SPOCK3: variants seen among roughly 807,000 people sequenced by gnomAD.
SPOCK3 encodes SPARC (osteonectin), cwcv and kazal like domains proteoglycan 3.
SPOCK3 carries 30 observed loss-of-function variants against 56.6 expected under a neutral mutation model. That is an observed-to-expected ratio of 0.53 (90% CI 0.40 to 0.72). The LOEUF is 0.72. Among genes scored for constraint, SPOCK3 ranks in the 30% least tolerant of loss-of-function variants. The pLI, the probability that SPOCK3 is intolerant of heterozygous loss-of-function variation, is 0.00. For missense variants in SPOCK3, 527 were observed against 530.0 expected (o/e 0.99, Z 0.06); for synonymous variants, 196 against 183.3 (o/e 1.07, Z -0.56).
At chr4:166,778,295 T>C (rs1739789373) in intron 7 of SPOCK3, among the ~76,000 whole-genome samples, 1 of 152,184 alleles carries the variant, frequency 6.6e-6, no homozygotes, top group South Asian at 2.1e-4. Context: ...TCTTATGAAC[T>C]AGTAGGCCTG....
chr4:166,865,833 A>G (rs533231851), intron 6 of SPOCK3, among the ~76,000 whole-genome samples: 1 of 152,332 alleles, frequency 6.6e-6, no homozygotes, highest in African/African-American at 2.4e-5. Flanking sequence ...AAGAATCAAT[A>G]TCATGAAAAT....
At chr4:167,205,515 ATATTATATATATTAT>A (rs1734165753) in intron 2 of SPOCK3, among the ~76,000 whole-genome samples, 1 of 58,640 alleles carries the variant, frequency 1.7e-5, no homozygotes, top group African/African-American at 7.7e-5. Context: ...TATATAATAT[ATATTATATATATTAT>A]TATATAATAT....
intron 2 of SPOCK3, among the ~76,000 whole-genome samples, chr4:167,229,732 T>C (rs531484498): frequency 2.6e-4 from 40 of 152,284 alleles, no homozygotes; most frequent in Non-Finnish European, 4.6e-4. Flanking sequence ...TCAGCCTGTA[T>C]TTTACATTTT....
chr4:167,205,272 T>TATATAAC (rs1554053146), intron 2 of SPOCK3, among the ~76,000 whole-genome samples: 3 of 55,664 alleles, frequency 5.4e-5, no homozygotes, highest in African/African-American at 2.3e-4. Flanking sequence ...ATATCTATAA[T>TATATAAC]ATATATTATA....
intron 4 of SPOCK3, among the ~76,000 whole-genome samples, chr4:166,952,022 C>G (rs568940485): frequency 2.0e-5 from 3 of 152,154 alleles, no homozygotes; most frequent in Non-Finnish European, 1.5e-5. Flanking sequence ...AAAACTGGCA[C>G]AAGACAGGGA....
intron 4 of SPOCK3, among the ~76,000 whole-genome samples, chr4:166,940,643 AATG>A (rs1399108154): frequency 6.6e-6 from 1 of 151,366 alleles, no homozygotes; most frequent in Non-Finnish European, 1.5e-5. Flanking sequence ...TTAAGATGCT[AATG>A]AGATATGTGA....
chr4:167,001,470 C>T (rs1179347444), intron 3 of SPOCK3, among the ~76,000 whole-genome samples: 1 of 152,156 alleles, frequency 6.6e-6, no homozygotes, highest in Non-Finnish European at 1.5e-5. Context: ...TACCTAATTC[C>T]TTTATATTGC....
intron 5 of SPOCK3, among the ~76,000 whole-genome samples, chr4:166,897,340 T>G (rs778663867): frequency 6.6e-6 from 1 of 152,126 alleles, no homozygotes; most frequent in Non-Finnish European, 1.5e-5. Context: ...CTATTCAATT[T>G]TGTTTGTTTA....
intron 6 of SPOCK3, among the ~76,000 whole-genome samples, chr4:166,881,298 A>G (rs1484097442): frequency 6.6e-6 from 1 of 151,872 alleles, no homozygotes; most frequent in Non-Finnish European, 1.5e-5. Flanking sequence ...AGAAAATGAT[A>G]TATCCATAAC....
At chr4:166,845,153 T>A (rs1245077059) in intron 6 of SPOCK3, among the ~76,000 whole-genome samples, 2 of 152,210 alleles carry the variant, frequency 1.3e-5, no homozygotes, top group East Asian at 3.8e-4. Context: ...CATTAAATAA[T>A]TTATGAATCT....
chr4:167,110,032 T>C (rs1192958598), intron 2 of SPOCK3, among the ~76,000 whole-genome samples: 1 of 151,970 alleles, frequency 6.6e-6, no homozygotes, highest in African/African-American at 2.4e-5. Flanking sequence ...CTCTCTAGGG[T>C]ATTTGCTTGG....
intron 7 of SPOCK3, among the ~76,000 whole-genome samples, chr4:166,787,435 T>C (rs1307881095): frequency 6.6e-6 from 1 of 152,188 alleles, no homozygotes; most frequent in Non-Finnish European, 1.5e-5. Context: ...TAGAGATTGC[T>C]GTTAGAAGAA....
At chr4:166,735,253 CAT>C (rs1315221491) in intron 10 of SPOCK3, among the ~76,000 whole-genome samples, 163 bp from the exon 11 acceptor site, 2 of 151,960 alleles carry the variant, frequency 1.3e-5, no homozygotes, top group East Asian at 3.9e-4. Context: ...AAAATTATCA[CAT>C]GTTAAAAATC....
intron 7 of SPOCK3, among the ~76,000 whole-genome samples, chr4:166,790,975 A>G (rs1386598747): frequency 6.6e-6 from 1 of 152,204 alleles, no homozygotes; most frequent in Non-Finnish European, 1.5e-5. Context: ...TCTATTAGGC[A>G]AGTTAAAGCT....
chr4:166,837,890 C>T (rs1160460323), intron 6 of SPOCK3, among the ~76,000 whole-genome samples: 1 of 152,072 alleles, frequency 6.6e-6, no homozygotes, highest in Non-Finnish European at 1.5e-5. Context: ...TTTCCTTCAT[C>T]TGAAAATGTT....
intron 3 of SPOCK3, among the ~76,000 whole-genome samples, chr4:167,059,987 C>T (rs1475241765): frequency 1.3e-5 from 2 of 149,654 alleles, no homozygotes; most frequent in South Asian, 2.1e-4. Flanking sequence ...GAACATCTCA[C>T]TCTGGGACTG....
Position 166,739,693 on chromosome 4 carries a change from T to C in SPOCK3, c.995-2089A>G, listed in dbSNP as rs542501170. Among the ~76,000 whole-genome samples, 15 of 110,892 alleles carry C rather than the reference T, an allele frequency of 1.4e-4. No individual in the cohort carries two copies. The South Asian group carries it at 2.5e-3, about 18-fold the overall frequency. The allele number at this position is 110,892 out of a possible 152,430, so 72.7% of individuals were successfully genotyped here. A position where few individuals can be genotyped will look rare whatever the true frequency, so the allele number is the denominator to read the frequency against. On this transcript the variant is annotated intron_variant, in intron 9 of 10. Transcript: ENST00000357545. ...TTCCAGGAGATAAGAATATTTTCTT[T>C]TATTTTCTGACTTTTTTTTTTTCTG...
chr4:167,067,344 T>G (rs891529708), intron 2 of SPOCK3, among the ~76,000 whole-genome samples: 1 of 151,886 alleles, frequency 6.6e-6, no homozygotes, highest in South Asian at 2.1e-4. Flanking sequence ...TTCACAACTA[T>G]TTTGCAATTT....
intron 6 of SPOCK3, among the ~76,000 whole-genome samples, chr4:166,858,056 A>C (rs1169289359): frequency 6.6e-6 from 1 of 152,200 alleles, no homozygotes; most frequent in Non-Finnish European, 1.5e-5. Flanking sequence ...AACATGGACA[A>C]TATATGGTTA....
Sources: gnomAD v4.1 joint callset for allele counts (sites outside exome capture counted in the v4.1 genomes callset) on GRCh38, gnomAD v4.1.1 for gene constraint, MANE v1.5 for transcripts, NCBI Gene and HGNC (gene_info 2026-07-23, HGNC 2026-07-21) for gene names.